DCAF6: variants seen among roughly 807,000 people sequenced by gnomAD.
The protein encoded by DCAF6 is DDB1- and CUL4-associated factor 6.
In DCAF6, 54 loss-of-function variants were observed where a neutral mutation model predicts 125.1. The observed-to-expected ratio is 0.43, with a 90% confidence interval of 0.35 to 0.54. The LOEUF is 0.54. Among genes scored for constraint, DCAF6 ranks in the 20% least tolerant of loss-of-function variants. The pLI is 0.01. For missense variants in DCAF6, 934 were observed against 1,161.7 expected, an observed-to-expected ratio of 0.80 and a Z score of 2.85; for synonymous variants, 371 against 390.4, an observed-to-expected ratio of 0.95 and a Z score of 0.58.
chr1:168,016,103 A>G (rs1351371385), intron 11 of DCAF6, among the ~76,000 whole-genome samples, 152 bp downstream of exon 11: 1 of 152,206 alleles, frequency 6.6e-6, no homozygotes, highest in Non-Finnish European at 1.5e-5. Context: ...GGTATTCAAC[A>G]TCACGTGTTA....
At chr1:167,908,091 C>T in the DCAF6 span, among the ~76,000 whole-genome samples, 4 of 152,160 alleles carry the variant, frequency 2.6e-5, no homozygotes, top group African/African-American at 9.7e-5. Context: ...AAATCAGTAT[C>T]CCTGCACTCC....
intron 7 of DCAF6, among the ~76,000 whole-genome samples, chr1:167,999,739 C>T (rs905710553): frequency 3.3e-5 from 5 of 152,144 alleles, no homozygotes; most frequent in East Asian, 1.9e-4. Context: ...AGAGATTTAG[C>T]GCCTTGCTCT....
chr1:167,999,685 T>C (rs1682303934), intron 7 of DCAF6, among the ~76,000 whole-genome samples: 1 of 152,208 alleles, frequency 6.6e-6, no homozygotes, highest in Non-Finnish European at 1.5e-5. Flanking sequence ...CTTCAGACTT[T>C]TATTCTACAG....
chr1:168,041,689 C>A (rs1558017036), intron 13 of DCAF6, among the ~76,000 whole-genome samples: 1 of 151,962 alleles, frequency 6.6e-6, no homozygotes, highest in East Asian at 1.9e-4. Context: ...TACTCGGTTG[C>A]TGTGTCTTTT....
intron 4 of DCAF6, among the ~76,000 whole-genome samples, chr1:167,982,381 A>G (rs7530635): frequency 6.6e-6 from 1 of 151,972 alleles, no homozygotes; most frequent in African/African-American, 2.4e-5. Context: ...AGCTGGGACT[A>G]TAGGCGCATG....
At chr1:167,907,155 C>G in the DCAF6 span, among the ~76,000 whole-genome samples, 2 of 152,134 alleles carry the variant, frequency 1.3e-5, no homozygotes, top group Non-Finnish European at 2.9e-5. Context: ...TGTCAGTAAT[C>G]TCAAAAAACC....
At position 168,044,644 on chromosome 1, in the gene DCAF6, A is replaced by T. The variant is rs1688940090; in HGVS notation, c.1903A>T (p.Asn635Tyr). 6.2e-7 allele frequency: 1 copy of T among 1,613,004 alleles called. No individual in the cohort carries two copies. The highest frequency in any genetic ancestry group is 1.3e-5 in the African/African-American group (1 of 74,984). The change falls in exon 15 of 22, where the codon AAC (asparagine) becomes TAC (tyrosine). Residue 635 changes from asparagine (N) to tyrosine (Y), a missense_variant. Physicochemically the swap from Asn to Tyr is moderately radical, Grantham distance 143 (BLOSUM62 -2). Coordinates refer to ENST00000367840, the MANE Select transcript of DCAF6 (RefSeq NM_001198956.2). ...TKYQEGVSAE[N>Y]PVENHINITQ... ...ATATCAGGAAGGAGTATCTGCAGAA[A>T]ACCCAGTTGAGAACCATATCAATAT...
At chr1:167,915,475 A>T in the DCAF6 span, among the ~76,000 whole-genome samples, 1 of 152,134 alleles carries the variant, frequency 6.6e-6, no homozygotes, top group Non-Finnish European at 1.5e-5. Flanking sequence ...CCATTTTCTG[A>T]ACTTTCTTCT....
At chr1:168,047,850 C>T (rs993104558) in intron 16 of DCAF6, among the ~76,000 whole-genome samples, 64 of 152,136 alleles carry the variant, frequency 4.2e-4, no homozygotes, top group Non-Finnish European at 8.7e-4. Context: ...AATATTTCCT[C>T]TGACTTTTAT....
intron 4 of DCAF6, among the ~76,000 whole-genome samples, chr1:167,981,718 T>G (rs1330505048): frequency 6.6e-6 from 1 of 152,216 alleles, no homozygotes; most frequent in Non-Finnish European, 1.5e-5. Context: ...ATTTCATTCA[T>G]TTTTGTGGCT....
intron 10 of DCAF6, 77 bp downstream of exon 10, chr1:168,004,870 C>G: frequency 1.4e-6 from 2 of 1,457,344 alleles, no homozygotes; most frequent in Non-Finnish European, 1.9e-6. Context: ...TTGAAAGATA[C>G]TAAATCACAT....
chr1:167,902,710 G>A, the DCAF6 span, among the ~76,000 whole-genome samples: 1 of 152,196 alleles, frequency 6.6e-6, no homozygotes, highest in Non-Finnish European at 1.5e-5. Flanking sequence ...CTCAGAGTCT[G>A]ATAAAACACT....
At chr1:167,893,771 T>G in the DCAF6 span, 3 of 860,480 alleles carry the variant, frequency 3.5e-6, no homozygotes, top group Non-Finnish European at 5.6e-6. Context: ...GTAGCTGCTG[T>G]TTTTTTTTTC....
the DCAF6 span, among the ~76,000 whole-genome samples, chr1:167,888,976 G>GT: frequency 6.6e-6 from 1 of 151,984 alleles, no homozygotes; most frequent in East Asian, 1.9e-4. Context: ...AGTTCTAATG[G>GT]TTTTTTGGTG....
intron 12 of DCAF6, among the ~76,000 whole-genome samples, chr1:168,032,291 A>G (rs1045746374): frequency 1.3e-5 from 2 of 152,232 alleles, no homozygotes; most frequent in African/African-American, 2.4e-5. Context: ...GTTGCCTCAC[A>G]GTTATCTGTA....
chr1:167,937,484 G>A (rs927194356), intron 1 of DCAF6, among the ~76,000 whole-genome samples: 2 of 152,144 alleles, frequency 1.3e-5, no homozygotes, highest in Non-Finnish European at 2.9e-5. Context: ...TCACGCTCCA[G>A]ACAGAATCCG....
At chr1:167,893,265 G>T in the DCAF6 span, among the ~76,000 whole-genome samples, 1 of 152,142 alleles carries the variant, frequency 6.6e-6, no homozygotes, top group Non-Finnish European at 1.5e-5. Context: ...GTGCCCGCAT[G>T]TTCTTATATG....
At chr1:167,985,464 TTC>T (rs1679867531) in intron 4 of DCAF6, among the ~76,000 whole-genome samples, 1 of 152,130 alleles carries the variant, frequency 6.6e-6, no homozygotes, top group Non-Finnish European at 1.5e-5. Flanking sequence ...CTCTTTCTTT[TTC>T]TCTCTTTTTC....
chr1:167,905,166 A>G, the DCAF6 span: 4 of 1,614,190 alleles, frequency 2.5e-6, no homozygotes, highest in South Asian at 2.2e-5. Flanking sequence ...TCAGGATTTT[A>G]TGGTGACAGG....
Sources: allele counts gnomAD v4.1 joint callset (sites outside exome capture counted in the v4.1 genomes callset), GRCh38; gene constraint gnomAD v4.1.1; transcripts MANE v1.5; gene names NCBI Gene and HGNC (gene_info 2026-07-23, HGNC 2026-07-21).